Variants in PRKCD observed in about 807,000 individuals in gnomAD.
The protein encoded by PRKCD is protein kinase C delta type.
In PRKCD, 20 loss-of-function variants were observed where a neutral mutation model predicts 82.2. That is an observed-to-expected ratio of 0.24 (90% CI 0.17 to 0.35). The LOEUF (loss-of-function observed/expected upper bound fraction) is 0.35, where lower values mean the gene tolerates loss of function less well. Among genes scored for constraint, PRKCD ranks in the 10% least tolerant of loss-of-function variants. The pLI is 1.00. For synonymous variants in PRKCD, 317 were observed against 337.0 expected (o/e 0.94, Z 0.65); for missense variants, 607 against 899.0 (o/e 0.68, Z 4.15).
intron 16 of PRKCD, 65 bp downstream of exon 16, chr3:53,188,923 G>A: frequency 6.2e-7 from 1 of 1,600,770 alleles, no homozygotes; most frequent in Non-Finnish European, 8.5e-7. Context: ...GTGGGCCAGG[G>A]AAGGATTCCC....
chr3:53,172,519 G>C (rs1703072511), intron 2 of PRKCD, among the ~76,000 whole-genome samples: 1 of 152,138 alleles, frequency 6.6e-6, no homozygotes, highest in African/African-American at 2.4e-5. Flanking sequence ...CTACACTGTG[G>C]ACTCCCCCAG....
At chr3:53,189,386 C>G in intron 17 of PRKCD, 140 bp downstream of exon 17, 1 of 928,144 alleles carries the variant, frequency 1.1e-6, no homozygotes, top group Non-Finnish European at 1.6e-6. Flanking sequence ...CGGGGTATTG[C>G]TCTCTCACCA....
intron 2 of PRKCD, 109 bp downstream of exon 2, chr3:53,165,324 G>A: frequency 6.6e-6 from 1 of 152,470 alleles, no homozygotes; most frequent in Non-Finnish European, 1.5e-5. Flanking sequence ...TGCATGCAGA[G>A]TCCTTGATCT....
chr3:53,185,458 C>T (rs891514370), intron 10 of PRKCD, 146 bp from the exon 11 acceptor site: 8 of 682,358 alleles, frequency 1.2e-5, no homozygotes, highest in East Asian at 1.0e-4. Flanking sequence ...TGTGTGTACA[C>T]GCAGCCCGAG....
chr3:53,176,213 G>C (rs918866418), intron 2 of PRKCD, among the ~76,000 whole-genome samples: 1 of 152,208 alleles, frequency 6.6e-6, no homozygotes, highest in Admixed American at 6.5e-5. Flanking sequence ...TCAGGCATGA[G>C]CTTGCACACC....
At chr3:53,183,796 C>G (rs1703563027) in intron 9 of PRKCD, among the ~76,000 whole-genome samples, 1 of 152,238 alleles carries the variant, frequency 6.6e-6, no homozygotes, top group Admixed American at 6.5e-5. Flanking sequence ...GGCTCCACCC[C>G]TCTGAGCCAT....
chr3:53,184,070 C>T (rs990528472), intron 9 of PRKCD, among the ~76,000 whole-genome samples: 3 of 152,158 alleles, frequency 2.0e-5, no homozygotes, highest in Non-Finnish European at 2.9e-5. Context: ...CGGTGGCTCA[C>T]GTCTGTAATC....
At chr3:53,173,743 G>A (rs1350378423) in intron 2 of PRKCD, 2 of 152,192 alleles carry the variant, frequency 1.3e-5, no homozygotes, top group Non-Finnish European at 2.9e-5. Flanking sequence ...GCCTCCCAAA[G>A]TATTGAGATT....
At chr3:53,188,579 C>T (rs1379338666) in intron 15 of PRKCD, 141 bp from the exon 16 acceptor site, 3 of 1,139,310 alleles carry the variant, frequency 2.6e-6, no homozygotes, top group South Asian at 3.2e-5. Context: ...CTTTCTCCTT[C>T]TGCTTCCTTT....
Position 53,183,483 on chromosome 3 carries a change from C to G in PRKCD, c.689C>G (p.Pro230Arg). 1.9e-6 allele frequency: 3 copies of G among 1,614,224 alleles called. No individual in the cohort carries two copies. Among genetic ancestry groups the G allele is most frequent in the Non-Finnish European group, 2.5e-6 (3 of 1,180,026 alleles). ...FQKERFNIDM[P>R]HRFKVHNYMS... ...AAAGAACGCTTCAACATCGACATGC[C>G]GCACCGCTTCAAGGTTCACAACTAC... The change falls in exon 9 of 19, where the codon CCG (proline) becomes CGG (arginine). Residue 230 changes from proline to arginine, a missense_variant. By Grantham distance (103) the Pro-to-Arg change is moderately radical. Coordinates refer to ENST00000330452, the MANE Select transcript of PRKCD (RefSeq NM_006254.4).
rs606231297 is a variant in PRKCD, at chr3:53,189,969, C to T, written c.1840C>T (p.Arg614Trp). Residue 614 changes from arginine (R) to tryptophan (W), a missense_variant, in exon 18 of 19, where the codon CGG (arginine) becomes TGG (tryptophan). Coordinates refer to ENST00000330452, the MANE Select transcript of PRKCD (RefSeq NM_006254.4). Reference protein sequence around the residue: ...KTINWTLLEKRRLEPPFRPKV... With the variant: ...KTINWTLLEKWRLEPPFRPKV... ...CATAAACTGGACTCTGCTGGAAAAG[C>T]GGAGGTTGGAGCCACCTTTCAGGCC... The T allele has an allele frequency of 4.3e-6, 7 of 1,614,050 alleles. No individual in the cohort carries two copies. The Admixed American group carries it at 5.0e-5, about 12-fold the overall frequency.
rs1553667513 is a variant in PRKCD, at chr3:53,181,494, A to T, written c.427A>T (p.Asn143Tyr). The change falls in exon 6 of 19, where the codon AAC (asparagine) becomes TAC (tyrosine). Residue 143 changes from asparagine (N) to tyrosine (Y), a missense_variant. Transcript: ENST00000330452. ...SEDEAKFPTM[N>Y]RRGAIKQAKI... ...GGACGAGGCCAAGTTCCCAACGATG[A>T]ACCGCCGCGGAGCCATCAAACAGGC... 2 of 1,614,208 alleles carry T rather than the reference A, an allele frequency of 1.2e-6. No individual in the cohort carries two copies. Among genetic ancestry groups the T allele is most frequent in the Non-Finnish European group, 1.7e-6 (2 of 1,180,030 alleles).
chr3:53,190,967 G>A (rs1448450537), intron 18 of PRKCD, among the ~76,000 whole-genome samples: 1 of 152,198 alleles, frequency 6.6e-6, no homozygotes, highest in Non-Finnish European at 1.5e-5. Context: ...CAAAGCAGGT[G>A]TGATGTACCC....
chr3:53,171,865 G>A (rs112749924), intron 2 of PRKCD, among the ~76,000 whole-genome samples: 7 of 152,286 alleles, frequency 4.6e-5, no homozygotes, highest in African/African-American at 1.7e-4. Flanking sequence ...AGAGGTCTGG[G>A]CTTTCTCCAG....
At chr3:53,161,640 G>GT (rs1702663335) in intron 1 of PRKCD, 1 of 151,760 alleles carries the variant, frequency 6.6e-6, no homozygotes, top group Non-Finnish European at 1.5e-5. Context: ...AGGTCCTTCT[G>GT]TCTGCCCGCT....
chr3:53,170,730 C>T (rs1702993517), intron 2 of PRKCD, among the ~76,000 whole-genome samples: 1 of 152,252 alleles, frequency 6.6e-6, no homozygotes, highest in Non-Finnish European at 1.5e-5. Context: ...TGCATTTGGA[C>T]TTCATGGTGC....
chr3:53,181,433 A>G lies in PRKCD; in HGVS notation c.377-11A>G. 2.5e-6 allele frequency: 4 copies of G among 1,614,122 alleles called. No individual in the cohort carries two copies. Among genetic ancestry groups the G allele is most frequent in the Non-Finnish European group, 2.5e-6 (3 of 1,179,990 alleles). ...ATACCAGGGCTGACTTCCCTACTCC[A>G]TGGTCACCAGATTGCAAACAGTCTA... On this transcript the variant is annotated splice_polypyrimidine_tract_variant and intron_variant, in intron 5 of 18. Transcript: ENST00000330452.
chr3:53,174,239 A>G (rs1490166872), intron 2 of PRKCD, among the ~76,000 whole-genome samples: 1 of 152,218 alleles, frequency 6.6e-6, no homozygotes, highest in South Asian at 2.1e-4. Context: ...TCATACCTAG[A>G]CACTGACCCT....
At chr3:53,187,257 TGG>T (rs1365412945) in intron 14 of PRKCD, 81 bp from the exon 15 acceptor site, 3 of 1,454,916 alleles carry the variant, frequency 2.1e-6, no homozygotes, top group Non-Finnish European at 2.9e-6. Flanking sequence ...TTCTTGCTCC[TGG>T]AAGTGGGGTT....
Sources: gnomAD v4.1 joint callset for allele counts (sites outside exome capture counted in the v4.1 genomes callset) on GRCh38, gnomAD v4.1.1 for gene constraint, MANE v1.5 for transcripts, NCBI Gene and HGNC (gene_info 2026-07-23, HGNC 2026-07-21) for gene names.